The following CHD7 variants were observed in gnomAD, a reference collection of about 807,000 sequenced individuals.
CHD7 encodes the protein ATP-dependent chromatin remodeler CHD7.
A neutral mutation model predicts 307.3 loss-of-function variants in CHD7; 24 were observed. That is an observed-to-expected ratio of 0.08 (90% CI 0.06 to 0.11). The LOEUF (loss-of-function observed/expected upper bound fraction) is 0.11, where lower values mean the gene tolerates loss of function less well. Among genes scored for constraint, CHD7 ranks in the 10% least tolerant of loss-of-function variants. The pLI is 1.00. For missense variants in CHD7, 3,106 were observed against 3,727.1 expected (o/e 0.83, Z 4.34); for synonymous variants, 1,363 against 1,349.9 (o/e 1.01, Z -0.21).
chr8:60,845,112 G>T, intron 22 of CHD7, 49 bp downstream of exon 22: 1 of 1,599,918 alleles, frequency 6.3e-7, no homozygotes, highest in South Asian at 1.1e-5. Context: ...AAGCCACCAG[G>T]AACTTTTGTG....
chr8:60,854,695 A>T (rs1464170951), intron 32 of CHD7, among the ~76,000 whole-genome samples, 172 bp downstream of exon 32: 1 of 152,220 alleles, frequency 6.6e-6, no homozygotes, highest in African/African-American at 2.4e-5. Flanking sequence ...CCAAAGAAAA[A>T]AATTGTAGAA....
intron 37 of CHD7, 134 bp downstream of exon 37, chr8:60,862,786 TCATACATCATTTC>T (rs1378759715): frequency 1.6e-6 from 1 of 625,296 alleles, no homozygotes; most frequent in Non-Finnish European, 2.8e-6. Context: ...TACATCATTT[TCATACATCATTTC>T]ATACATCATT....
chr8:60,864,921 C>T, intron 37 of CHD7, 95 bp from the exon 38 acceptor site: 7 of 1,220,256 alleles, frequency 5.7e-6, no homozygotes, highest in Non-Finnish European at 8.0e-6. Context: ...TAGGTATTTC[C>T]ATTTGGAATG....
chr8:60,837,122 G>A (rs1775867064), intron 17 of CHD7, 110 bp downstream of exon 17: 2 of 837,988 alleles, frequency 2.4e-6, no homozygotes, highest in East Asian at 5.2e-5. Flanking sequence ...CACTCAGGCT[G>A]TGTCCTATGA....
At chr8:60,697,871 C>T (rs1468318099) in intron 1 of CHD7, among the ~76,000 whole-genome samples, 1 of 152,196 alleles carries the variant, frequency 6.6e-6, no homozygotes, top group Non-Finnish European at 1.5e-5. Flanking sequence ...TTATGTTGTG[C>T]ACAGCACGTA....
intron 1 of CHD7, among the ~76,000 whole-genome samples, chr8:60,721,904 T>C (rs989943563): frequency 1.3e-5 from 2 of 152,204 alleles, no homozygotes; most frequent in African/African-American, 2.4e-5. Flanking sequence ...CATGGGATTA[T>C]TGAAGTCAGA....
At chr8:60,812,827 G>A (rs1812877299) in intron 7 of CHD7, among the ~76,000 whole-genome samples, 1 of 151,848 alleles carries the variant, frequency 6.6e-6, no homozygotes, top group African/African-American at 2.4e-5. Context: ...GTACCACACT[G>A]CTTAGGGAGG....
chr8:60,705,286 TTAGC>T (rs1335586510), intron 1 of CHD7, among the ~76,000 whole-genome samples: 1 of 152,232 alleles, frequency 6.6e-6, no homozygotes, highest in Non-Finnish European at 1.5e-5. Context: ...ACTCCCACAG[TTAGC>T]TATCAGAGGG....
Position 60,861,783 on chromosome 8 carries a change from C to A in CHD7, c.7831-413C>A, listed in dbSNP as rs140444799. On this transcript the variant is annotated intron_variant, in intron 35 of 37. Transcript: ENST00000423902. ...TGCCACTCAGAAAGTACCCCCACCCCCTACAAGATCTGTCTGTTTGTTGGT... is the reference window on the plus strand; with the variant it reads ...TGCCACTCAGAAAGTACCCCCACCCACTACAAGATCTGTCTGTTTGTTGGT... The A allele has an allele frequency of 1.9e-3, 304 of 155,978 alleles. 2 individuals carry two copies. The Middle Eastern group carries it at 0.023, about 12-fold the overall frequency. The allele number at this position is 155,978 out of a possible 1,614,324, so 9.7% of individuals were successfully genotyped here. A position where few individuals can be genotyped will look rare whatever the true frequency, so the allele number is the denominator to read the frequency against.
At chr8:60,762,856 G>A (rs1457493507) in intron 2 of CHD7, among the ~76,000 whole-genome samples, 3 of 152,156 alleles carry the variant, frequency 2.0e-5, no homozygotes, top group Admixed American at 2.0e-4. Flanking sequence ...GAGGGATCTT[G>A]CAGGGTGGGG....
intron 2 of CHD7, among the ~76,000 whole-genome samples, chr8:60,765,061 A>T (rs1810399623): frequency 6.6e-6 from 1 of 152,224 alleles, no homozygotes; most frequent in Non-Finnish European, 1.5e-5. Context: ...AGCAGAGAGC[A>T]CATGAGCAGC....
At position 60,836,125 on chromosome 8, in the gene CHD7, T is replaced by C; in HGVS notation, c.3831T>C (p.Ser1277=). 6.2e-7 allele frequency: 1 copy of C among 1,613,402 alleles called. No homozygotes were observed. Among genetic ancestry groups the C allele is most frequent in the Non-Finnish European group, 8.5e-7 (1 of 1,179,700 alleles). The change falls in exon 16 of 38, where the codon TCT becomes TCC. Residue 1277 remains serine, a synonymous_variant. Coordinates refer to ENST00000423902, the MANE Select transcript of CHD7 (RefSeq NM_017780.4). ...TTAAAGAAACACACAATGCAGAGTC[T>C]CCAGATTTTCAGCTCCAGGCAATGA... ...EEFKETHNAE[S]PDFQLQAMIQ... is the part of the protein sequence containing the mutation.
chr8:60,775,366 C>CTA (rs1810903387), intron 2 of CHD7, among the ~76,000 whole-genome samples: 1 of 150,862 alleles, frequency 6.6e-6, no homozygotes, highest in Admixed American at 6.6e-5. Flanking sequence ...TACTTTATTC[C>CTA]TACCAGTAAC....
At position 60,848,506 on chromosome 8, in the gene CHD7, C is replaced by T; in HGVS notation, c.5211-9C>T. 1 of 1,609,098 alleles carries T rather than the reference C, an allele frequency of 6.2e-7. No individual in the cohort carries two copies. ...AAGAACTTTTTCCCCCCTCTGTCTT[C>T]CTCTCCAGGGTCCTGCTGCGTGTCC... is the stretch of plus-strand genomic sequence containing the variant. On this transcript the variant is annotated splice_polypyrimidine_tract_variant and intron_variant, in intron 23 of 37. Transcript: ENST00000423902.
At position 60,742,035 on chromosome 8, in the gene CHD7, G is replaced by A; in HGVS notation, c.603G>A (p.Gln201=). Residue 201 remains glutamine (Q), a synonymous_variant, in exon 2 of 38, where the codon CAG becomes CAA. Coordinates refer to ENST00000423902, the MANE Select transcript of CHD7 (RefSeq NM_017780.4). The part of the protein sequence containing the change: ...SYMARGDFSM[Q]QHGQPQQRMS... The stretch of plus-strand genomic sequence containing the variant: ...TGGCACGTGGGGATTTTTCCATGCA[G>A]CAGCATGGTCAGCCACAGCAGAGGA... The A allele has an allele frequency of 6.2e-7, 1 of 1,613,788 alleles. No individual in the cohort carries two copies.
chr8:60,760,288 A>G (rs1377524218), intron 2 of CHD7, among the ~76,000 whole-genome samples: 7 of 151,934 alleles, frequency 4.6e-5, no homozygotes, highest in Admixed American at 1.3e-4. Context: ...CTGGCTAGCC[A>G]TATGTAGAAA....
intron 1 of CHD7, among the ~76,000 whole-genome samples, chr8:60,722,925 T>C (rs552046573): frequency 2.6e-5 from 4 of 152,364 alleles, no homozygotes; most frequent in East Asian, 1.9e-4. Context: ...TTAGTTTCAA[T>C]GTGGAATCTG....
In CHD7 at chr8:60,820,019, CT is replaced by C; in HGVS notation, c.2631del (p.Phe877LeufsTer11). On this transcript the variant is annotated frameshift_variant, in exon 9 of 38. Transcript: ENST00000423902. LOFTEE classifies it high-confidence loss of function. ...CCCTTTGGTGTAGATTGAGGATGAG[CT>C]TTTTAATCCAGATTATGTGGAGGTT... ...NKFLSEIEDELFNPDYVEVDR... is the reference protein window; with the variant it reads ...NKFLSEIEDEXFNPDYVEVDR... 1 of 1,587,358 alleles carries C rather than the reference CT, an allele frequency of 6.3e-7. No homozygotes were observed. The highest frequency in any genetic ancestry group is 1.7e-5 in the Admixed American group (1 of 57,698).
chr8:60,739,075 C>T (rs1030452526), intron 1 of CHD7, among the ~76,000 whole-genome samples: 33 of 152,286 alleles, frequency 2.2e-4, no homozygotes, highest in African/African-American at 7.9e-4. Flanking sequence ...TGCCTCTGAG[C>T]TCAGTGGGCT....
Sources: allele counts gnomAD v4.1 joint callset (sites outside exome capture counted in the v4.1 genomes callset), GRCh38; gene constraint gnomAD v4.1.1; transcripts MANE v1.5; gene names NCBI Gene and HGNC (gene_info 2026-07-23, HGNC 2026-07-21).